LRRTM4: variants seen among roughly 807,000 people sequenced by gnomAD.
LRRTM4 encodes leucine-rich repeat transmembrane neuronal protein 4.
A neutral mutation model predicts 47.6 loss-of-function variants in LRRTM4; 25 were observed. The ratio of observed to expected loss-of-function variants is 0.53; its 90% CI spans 0.38 to 0.73. LRRTM4 has a LOEUF of 0.73. Among genes scored for constraint, LRRTM4 ranks in the 30% least tolerant of loss-of-function variants. The pLI is 0.00. For missense variants in LRRTM4, 638 were observed against 713.4 expected (o/e 0.89, Z 1.20); for synonymous variants, 311 against 269.5 (o/e 1.15, Z -1.51).
intron 3 of LRRTM4, among the ~76,000 whole-genome samples, chr2:76,786,135 A>AATTG (rs1674657592): frequency 6.6e-6 from 1 of 152,252 alleles, no homozygotes; most frequent in African/African-American, 2.4e-5. Flanking sequence ...ACTTTGCCAT[A>AATTG]ATTGATAGGA....
chr2:77,485,949 G>A (rs1332682976), intron 3 of LRRTM4, among the ~76,000 whole-genome samples: 1 of 151,522 alleles, frequency 6.6e-6, no homozygotes, highest in East Asian at 1.9e-4. Flanking sequence ...TGTTTGCCCA[G>A]GCGGGTCTCC....
At chr2:77,408,501 A>G (rs2103853554) in intron 3 of LRRTM4, among the ~76,000 whole-genome samples, 1 of 152,346 alleles carries the variant, frequency 6.6e-6, no homozygotes, top group African/African-American at 2.4e-5. Flanking sequence ...TAACTCCTTA[A>G]GAAATATAAA....
intron 3 of LRRTM4, among the ~76,000 whole-genome samples, chr2:77,179,780 G>T (rs1032025846): frequency 1.3e-5 from 2 of 152,060 alleles, no homozygotes; most frequent in Non-Finnish European, 2.9e-5. Context: ...CAGGATGCAG[G>T]TCTTAATATA....
At chr2:77,505,647 A>G (rs773292076) in intron 3 of LRRTM4, among the ~76,000 whole-genome samples, 70 of 151,738 alleles carry the variant, frequency 4.6e-4, no homozygotes, top group Admixed American at 1.2e-3. Flanking sequence ...GTTTTGCAAA[A>G]TTATTTTTGA....
At chr2:76,838,202 A>G (rs1573191644) in intron 3 of LRRTM4, among the ~76,000 whole-genome samples, 1 of 152,150 alleles carries the variant, frequency 6.6e-6, no homozygotes, top group East Asian at 1.9e-4. Flanking sequence ...AGAAATTAAT[A>G]TAAAAGAGGT....
intron 3 of LRRTM4, among the ~76,000 whole-genome samples, chr2:77,200,328 A>G (rs1225815668): frequency 6.6e-6 from 1 of 152,160 alleles, no homozygotes; most frequent in Non-Finnish European, 1.5e-5. Context: ...TTTCAAATCA[A>G]AAGTTTAATT....
intron 3 of LRRTM4, among the ~76,000 whole-genome samples, chr2:77,281,507 T>A (rs1180396602): frequency 6.6e-6 from 1 of 151,900 alleles, no homozygotes; most frequent in Admixed American, 6.6e-5. Context: ...AGACAAATGA[T>A]AAAGCTAAAT....
chr2:77,210,814 T>C (rs1674271897), intron 3 of LRRTM4, among the ~76,000 whole-genome samples: 1 of 152,078 alleles, frequency 6.6e-6, no homozygotes, highest in Admixed American at 6.6e-5. Context: ...TCTTCTTCTA[T>C]CAGGCAAGTT....
chr2:76,848,368 CTCT>C (rs901891166), intron 3 of LRRTM4, among the ~76,000 whole-genome samples: 27 of 152,052 alleles, frequency 1.8e-4, no homozygotes, highest in African/African-American at 5.8e-4. Context: ...CAACTTTGGC[CTCT>C]TCTTATTTTT....
intron 3 of LRRTM4, among the ~76,000 whole-genome samples, chr2:77,388,713 T>C (rs191964766): frequency 6.6e-6 from 1 of 152,236 alleles, no homozygotes; most frequent in African/African-American, 2.4e-5. Flanking sequence ...CTGTAAGTCT[T>C]GACCATCTTT....
intron 3 of LRRTM4, among the ~76,000 whole-genome samples, chr2:77,221,246 A>C (rs1283147753): frequency 6.6e-6 from 1 of 152,208 alleles, no homozygotes; most frequent in Non-Finnish European, 1.5e-5. Context: ...AGCCACTGCA[A>C]AAACATGCCA....
chr2:77,344,969 T>C (rs1376547739), intron 3 of LRRTM4, among the ~76,000 whole-genome samples: 5 of 151,594 alleles, frequency 3.3e-5, no homozygotes, highest in Admixed American at 3.3e-4. Context: ...TGAATAATTA[T>C]ATAAATAGAT....
chr2:77,354,849 A>G (rs888458175), intron 3 of LRRTM4, among the ~76,000 whole-genome samples: 1 of 152,194 alleles, frequency 6.6e-6, no homozygotes, highest in Non-Finnish European at 1.5e-5. Flanking sequence ...GAACAGAGTT[A>G]CAGATCCACA....
At chr2:77,025,829 C>T (rs961027418) in intron 3 of LRRTM4, among the ~76,000 whole-genome samples, 1 of 152,110 alleles carries the variant, frequency 6.6e-6, no homozygotes, top group Non-Finnish European at 1.5e-5. Flanking sequence ...TTTTAAATGC[C>T]ATTTTATCAA....
intron 3 of LRRTM4, among the ~76,000 whole-genome samples, chr2:76,860,438 G>A (rs1672279511): frequency 6.6e-6 from 1 of 152,158 alleles, no homozygotes; most frequent in Admixed American, 6.6e-5. Flanking sequence ...CTATGAAACT[G>A]TGTGCAGATT....
rs1007809676 is a variant in LRRTM4, at chr2:77,519,293, A to G, written c.576T>C (p.Arg192=). The G allele has an allele frequency of 3.1e-6, 5 of 1,613,408 alleles. No homozygotes were observed. The African/African-American group carries it at 6.7e-5, about 22-fold the overall frequency. The change falls in exon 3 of 4, where the codon CGT becomes CGC. Residue 192 remains arginine (R), a synonymous_variant. Coordinates refer to ENST00000409884, the MANE Select transcript of LRRTM4 (RefSeq NM_001134745.3). This position sits in a 1 kb window ranked among gnomAD's most constrained non-coding sequence, Gnocchi z 4.6. ...NLDFLDLGYN[R]LRSLSRNAFA... ...ATGCATTTCGGGACAAGCTTCGAAG[A>G]CGATTGTAACCCAAATCCAAAAAAT...
chr2:76,813,206 A>G (rs1246108390), intron 3 of LRRTM4, among the ~76,000 whole-genome samples: 1 of 152,160 alleles, frequency 6.6e-6, no homozygotes, highest in Admixed American at 6.6e-5. Context: ...GGAGGAATAC[A>G]TGTATATGTG....
chr2:76,748,438 T>G lies in LRRTM4; in HGVS notation c.*257A>C. The G allele has an allele frequency of 2.0e-6, 1 of 503,784 alleles. No homozygotes were observed. Among genetic ancestry groups the G allele is most frequent in the Non-Finnish European group, 3.5e-6 (1 of 281,856 alleles). 31.2% of individuals were successfully genotyped at this position (503,784 alleles called of 1,614,324 possible). A position where few individuals can be genotyped will look rare whatever the true frequency, so the allele number is the denominator to read the frequency against. ...TATAAGAACTTGACACTCTTACTAT[T>G]TACATCCGGGAGCATTTTTGTTTGT... On this transcript the variant is annotated 3_prime_UTR_variant, in exon 4 of 4. Transcript: ENST00000409884.
intron 3 of LRRTM4, among the ~76,000 whole-genome samples, chr2:76,829,116 C>A (rs1671264204): frequency 6.6e-6 from 1 of 151,912 alleles, no homozygotes. Flanking sequence ...TCAGGATTTG[C>A]ATTTTCTGCT....
Sources: gnomAD v4.1 joint callset for allele counts (sites outside exome capture counted in the v4.1 genomes callset) on GRCh38, gnomAD v4.1.1 for gene constraint, Gnocchi (gnomAD v3.1) non-coding constraint, MANE v1.5 for transcripts, NCBI Gene and HGNC (gene_info 2026-07-23, HGNC 2026-07-21) for gene names.